The following AGBL4 variants were observed in gnomAD, a reference collection of about 807,000 sequenced individuals.
AGBL4 encodes the protein AGBL carboxypeptidase 4, also known as cytosolic carboxypeptidase 6.
AGBL4 carries 58 observed loss-of-function variants against 66.4 expected under a neutral mutation model. The ratio of observed to expected loss-of-function variants is 0.87; its 90% CI spans 0.71 to 1.09. The LOEUF (loss-of-function observed/expected upper bound fraction) is 1.09, where lower values mean the gene tolerates loss of function less well. Among genes scored for constraint, AGBL4 ranks in the 50% least tolerant of loss-of-function variants. The pLI is 0.00. For missense variants in AGBL4, 579 were observed against 631.0 expected (o/e 0.92, Z 0.88); for synonymous variants, 234 against 222.9 (o/e 1.05, Z -0.44).
chr1:49,951,401 C>CA (rs1656146830), intron 1 of AGBL4, among the ~76,000 whole-genome samples: 1 of 151,726 alleles, frequency 6.6e-6, no homozygotes, highest in Middle Eastern at 3.2e-3. Context: ...CAAGAACTAT[C>CA]AAAAAAGACT....
chr1:48,996,957 C>G (rs1034286577), intron 5 of AGBL4, among the ~76,000 whole-genome samples: 1 of 152,148 alleles, frequency 6.6e-6, no homozygotes, highest in Non-Finnish European at 1.5e-5. Flanking sequence ...GAGTCTTGCT[C>G]TGTCACACAG....
In AGBL4 at chr1:49,823,317, G is replaced by T. The variant is rs571304894; in HGVS notation, c.157+28079C>A. ...GGCAGTGTGAAAATTGACCTAGTGG[G>T]CTGGAAAAATTATTATGTCATAAAG... is the stretch of plus-strand genomic sequence containing the variant. On this transcript the variant is annotated intron_variant, in intron 2 of 13. Transcript: ENST00000371839. Among the ~76,000 whole-genome samples, 13 of 152,248 alleles carry T rather than the reference G, an allele frequency of 8.5e-5. No homozygotes were observed. In the South Asian group the frequency reaches 1.4e-3, roughly 17 times the overall value.
chr1:48,776,313 A>C (rs779843078), intron 6 of AGBL4, among the ~76,000 whole-genome samples: 1 of 152,216 alleles, frequency 6.6e-6, no homozygotes, highest in Non-Finnish European at 1.5e-5. Flanking sequence ...GGAACGAAGA[A>C]AACACAAAGA....
chr1:48,864,672 T>C (rs1044793701), intron 6 of AGBL4, among the ~76,000 whole-genome samples: 2 of 152,184 alleles, frequency 1.3e-5, no homozygotes, highest in Non-Finnish European at 2.9e-5. Context: ...ATGACATTGA[T>C]AGTGTGATAC....
At chr1:49,688,990 G>A (rs116128947) in intron 3 of AGBL4, among the ~76,000 whole-genome samples, 117 of 152,184 alleles carry the variant, frequency 7.7e-4, no homozygotes, top group Non-Finnish European at 1.2e-3. Flanking sequence ...CAGGTGGGTA[G>A]AGTTTGCAAA....
chr1:48,736,532 T>C lies in AGBL4; in HGVS notation c.635-73291A>G. 7.4e-6 allele frequency: 9 copies of C among 1,208,538 alleles called. No individual in the cohort carries two copies. Among genetic ancestry groups the C allele is most frequent in the South Asian group, 5.1e-5 (4 of 77,778 alleles). 74.9% of individuals were successfully genotyped at this position (1,208,538 alleles called of 1,614,324 possible). ...GGCTTCTCTTGTCCTTTAAAAAGCA[T>C]TGCTGCACAACTGTAAGAGATTCAT... On this transcript the variant is annotated intron_variant, in intron 6 of 13. Coordinates refer to ENST00000371839, the MANE Select transcript of AGBL4 (RefSeq NM_032785.4). The surrounding 1 kb of genome is among the most constrained non-coding windows in gnomAD (Gnocchi z 4.0).
At chr1:48,954,287 T>G (rs1052891872) in intron 5 of AGBL4, among the ~76,000 whole-genome samples, 10 of 152,310 alleles carry the variant, frequency 6.6e-5, no homozygotes, top group South Asian at 2.1e-4. Flanking sequence ...ATAAACCACA[T>G]CATAGATGAA....
At chr1:49,830,942 C>T (rs146563956) in intron 2 of AGBL4, among the ~76,000 whole-genome samples, 1,711 of 152,032 alleles carry the variant, frequency 0.011, 11 homozygotes, top group Non-Finnish European at 0.017. Context: ...ATTTCTGAGG[C>T]CTCTGTTCTG....
intron 2 of AGBL4, among the ~76,000 whole-genome samples, chr1:49,783,172 T>A (rs1215646444): frequency 6.6e-6 from 1 of 152,170 alleles, no homozygotes; most frequent in Non-Finnish European, 1.5e-5. Flanking sequence ...TATTTTATTA[T>A]AGCAGCCTGA....
intron 5 of AGBL4, among the ~76,000 whole-genome samples, chr1:48,942,517 A>G (rs1362004974): frequency 1.3e-5 from 2 of 152,244 alleles, no homozygotes; most frequent in Non-Finnish European, 1.5e-5. Context: ...TTGGGAAAGA[A>G]TCTAGAACAA....
chr1:49,504,575 CCT>C (rs1648503181), intron 3 of AGBL4, among the ~76,000 whole-genome samples: 2 of 151,712 alleles, frequency 1.3e-5, no homozygotes, highest in Admixed American at 6.6e-5. Flanking sequence ...TGAGTTTACC[CCT>C]CTCTCATTAC....
chr1:49,299,020 A>G (rs1241724369), intron 3 of AGBL4, among the ~76,000 whole-genome samples: 4 of 152,182 alleles, frequency 2.6e-5, no homozygotes, highest in African/African-American at 7.2e-5. Context: ...AGTAACAATG[A>G]CCATTGCCGT....
chr1:49,452,846 T>C (rs531157304), intron 3 of AGBL4, among the ~76,000 whole-genome samples: 1 of 151,942 alleles, frequency 6.6e-6, no homozygotes, highest in South Asian at 2.1e-4. Context: ...GTTTCCTGAG[T>C]GTCTTTTCTG....
At chr1:49,624,493 T>C (rs1334962296) in intron 3 of AGBL4, among the ~76,000 whole-genome samples, 5 of 152,346 alleles carry the variant, frequency 3.3e-5, no homozygotes, top group South Asian at 2.1e-4. Context: ...GAAACAACTC[T>C]ATTTCCCAAA....
At chr1:49,110,594 C>T (rs1430022271) in intron 4 of AGBL4, among the ~76,000 whole-genome samples, 1 of 152,130 alleles carries the variant, frequency 6.6e-6, no homozygotes, top group Non-Finnish European at 1.5e-5. Context: ...AGGCCTTTTG[C>T]ATGTCCCCTG....
chr1:48,594,532 C>T (rs1644967455), intron 9 of AGBL4, among the ~76,000 whole-genome samples: 1 of 151,960 alleles, frequency 6.6e-6, no homozygotes, highest in African/African-American at 2.4e-5. Flanking sequence ...TATTTTACTT[C>T]TGTTCATGTA....
At chr1:49,728,296 A>G (rs1476471269) in intron 2 of AGBL4, among the ~76,000 whole-genome samples, 2 of 152,236 alleles carry the variant, frequency 1.3e-5, no homozygotes, top group Non-Finnish European at 2.9e-5. Context: ...GAGAGCTGTC[A>G]TACAATTTAA....
chr1:48,972,466 AC>A (rs1397775305), intron 5 of AGBL4, among the ~76,000 whole-genome samples: 1 of 152,158 alleles, frequency 6.6e-6, no homozygotes, highest in East Asian at 1.9e-4. Flanking sequence ...CTAGACACTG[AC>A]TAGTATCCTT....
At chr1:49,324,405 A>C (rs184789435) in intron 3 of AGBL4, among the ~76,000 whole-genome samples, 104 of 151,202 alleles carry the variant, frequency 6.9e-4, no homozygotes, top group African/African-American at 2.4e-3. Flanking sequence ...CTGACCTACA[A>C]CTTGTATTCT....
Sources: allele counts gnomAD v4.1 joint callset (sites outside exome capture counted in the v4.1 genomes callset), GRCh38; gene constraint gnomAD v4.1.1; non-coding constraint Gnocchi (gnomAD v3.1); transcripts MANE v1.5; gene names NCBI Gene and HGNC (gene_info 2026-07-23, HGNC 2026-07-21).